GPC5: variants seen among roughly 807,000 people sequenced by gnomAD.
The protein encoded by GPC5 is glypican-5.
GPC5 carries 47 observed loss-of-function variants against 53.9 expected under a neutral mutation model. The ratio of observed to expected loss-of-function variants is 0.87; its 90% CI spans 0.69 to 1.11. The LOEUF is 1.11. Ranked by LOEUF, GPC5 falls within the 50% of genes most tolerant of loss-of-function variation. The pLI, the probability that GPC5 is intolerant of heterozygous loss-of-function variation, is 0.00. For missense variants in GPC5, 748 were observed against 713.1 expected (o/e 1.05, Z -0.56); for synonymous variants, 286 against 263.3 (o/e 1.09, Z -0.84).
chr13:92,199,028 A>G (rs2042276152), intron 7 of GPC5, among the ~76,000 whole-genome samples: 1 of 152,196 alleles, frequency 6.6e-6, no homozygotes, highest in Non-Finnish European at 1.5e-5. Flanking sequence ...ACTGTTTGAT[A>G]CTCTTCTATG....
intron 7 of GPC5, among the ~76,000 whole-genome samples, chr13:92,295,999 T>C (rs2043031752): frequency 6.6e-6 from 1 of 152,176 alleles, no homozygotes; most frequent in Non-Finnish European, 1.5e-5. Flanking sequence ...CATCATGCTA[T>C]TTGTTGCCTG....
At chr13:92,364,456 C>A (rs774089370) in intron 7 of GPC5, among the ~76,000 whole-genome samples, 2 of 151,792 alleles carry the variant, frequency 1.3e-5, no homozygotes, top group African/African-American at 2.4e-5. Flanking sequence ...TTTGGCCAGG[C>A]GCGGTGGCTT....
At chr13:91,575,966 A>T (rs1398572363) in intron 2 of GPC5, among the ~76,000 whole-genome samples, 3 of 152,208 alleles carry the variant, frequency 2.0e-5, no homozygotes, top group Non-Finnish European at 2.9e-5. Context: ...TTAGATGTCA[A>T]TAATACAGTA....
intron 7 of GPC5, among the ~76,000 whole-genome samples, chr13:92,435,632 G>T (rs1877274920): frequency 6.6e-6 from 1 of 152,146 alleles, no homozygotes; most frequent in Admixed American, 6.6e-5. Context: ...CAACAACTAT[G>T]GGGAGGGATA....
intron 7 of GPC5, among the ~76,000 whole-genome samples, chr13:92,225,842 GTAAC>G (rs1253549576): frequency 6.6e-6 from 1 of 151,814 alleles, no homozygotes; most frequent in African/African-American, 2.4e-5. Flanking sequence ...ACTCTAACTG[GTAAC>G]TATGAGGCAT....
At chr13:92,825,775 A>T (rs1012303139) in intron 7 of GPC5, among the ~76,000 whole-genome samples, 18 of 152,122 alleles carry the variant, frequency 1.2e-4, no homozygotes, top group African/African-American at 4.1e-4. Context: ...TAAAAGGTAT[A>T]TGATCTTAAT....
chr13:91,741,083 A>G (rs1443899280), intron 4 of GPC5, among the ~76,000 whole-genome samples: 2 of 152,164 alleles, frequency 1.3e-5, no homozygotes, highest in South Asian at 2.1e-4. Context: ...GTGTATTTGC[A>G]TAATAGGGAG....
At chr13:91,701,681 T>G (rs1433457817) in intron 3 of GPC5, among the ~76,000 whole-genome samples, 1 of 152,106 alleles carries the variant, frequency 6.6e-6, no homozygotes, top group African/African-American at 2.4e-5. Flanking sequence ...CACATCTGCT[T>G]TATCTATTCA....
chr13:91,548,304 C>T (rs539960688), intron 2 of GPC5, among the ~76,000 whole-genome samples: 2 of 152,238 alleles, frequency 1.3e-5, no homozygotes, highest in East Asian at 3.9e-4. Flanking sequence ...AACTTAATTG[C>T]TTTCATATAT....
At chr13:92,558,434 A>C (rs1229373697) in intron 7 of GPC5, among the ~76,000 whole-genome samples, 1 of 152,084 alleles carries the variant, frequency 6.6e-6, no homozygotes, top group Non-Finnish European at 1.5e-5. Context: ...ATTGCATAAA[A>C]TATTAACCAA....
chr13:92,545,120 C>A (rs1218886904), intron 7 of GPC5, among the ~76,000 whole-genome samples: 2 of 151,868 alleles, frequency 1.3e-5, no homozygotes, highest in African/African-American at 4.8e-5. Flanking sequence ...CTTCCTGTGT[C>A]CATGTGTTCT....
At chr13:91,869,984 T>C (rs1191495333) in intron 5 of GPC5, among the ~76,000 whole-genome samples, 1 of 152,076 alleles carries the variant, frequency 6.6e-6, no homozygotes, top group African/African-American at 2.4e-5. Context: ...GGGATTACAG[T>C]TCAACATAAG....
chr13:92,513,377 T>C (rs1367901646), intron 7 of GPC5, among the ~76,000 whole-genome samples: 1 of 152,154 alleles, frequency 6.6e-6, no homozygotes, highest in Admixed American at 6.5e-5. Context: ...TATGAATTAA[T>C]TCACTTGGAC....
intron 4 of GPC5, among the ~76,000 whole-genome samples, chr13:91,739,341 G>T (rs1424139875): frequency 6.6e-6 from 1 of 151,216 alleles, no homozygotes; most frequent in East Asian, 1.9e-4. Context: ...TCTAGTCCCT[G>T]GGAAATTGCC....
intron 7 of GPC5, among the ~76,000 whole-genome samples, chr13:92,764,830 C>G (rs1327057957): frequency 1.3e-5 from 2 of 151,972 alleles, no homozygotes; most frequent in African/African-American, 2.4e-5. Flanking sequence ...ATGTCATTCT[C>G]CCCAAATTGT....
chr13:91,987,910 C>T (rs4773658), intron 6 of GPC5, among the ~76,000 whole-genome samples: 59,410 of 142,714 alleles, frequency 0.42, 14,053 homozygotes, highest in East Asian at 0.75. Flanking sequence ...TATAATCATA[C>T]GATGTAGTAT....
intron 6 of GPC5, among the ~76,000 whole-genome samples, chr13:91,987,226 C>A (rs991098351): frequency 6.6e-6 from 1 of 152,188 alleles, no homozygotes; most frequent in South Asian, 2.1e-4. Context: ...GTGATGGTTG[C>A]AATGCTGCAG....
At chr13:92,168,521 A>C (rs1237300296) in intron 7 of GPC5, among the ~76,000 whole-genome samples, 1 of 152,212 alleles carries the variant, frequency 6.6e-6, no homozygotes, top group Non-Finnish European at 1.5e-5. Flanking sequence ...AAAAGTGGGC[A>C]AAGGACATGA....
chr13:92,017,957 G>T (rs191824187), intron 6 of GPC5, among the ~76,000 whole-genome samples: 1 of 150,472 alleles, frequency 6.6e-6, no homozygotes, highest in African/African-American at 2.4e-5. Context: ...ACACATGCAC[G>T]AGTACATACA....
Sources: allele counts gnomAD v4.1 joint callset (sites outside exome capture counted in the v4.1 genomes callset), GRCh38; gene constraint gnomAD v4.1.1; transcripts MANE v1.5; gene names NCBI Gene and HGNC (gene_info 2026-07-23, HGNC 2026-07-21).